AGPS: variants seen among roughly 807,000 people sequenced by gnomAD.
AGPS encodes the protein alkylglycerone phosphate synthase, also known as alkyldihydroxyacetonephosphate synthase, peroxisomal.
AGPS carries 26 observed loss-of-function variants against 90.7 expected under a neutral mutation model. That is an observed-to-expected ratio of 0.29 (90% CI 0.21 to 0.40). The LOEUF is 0.40. Among genes scored for constraint, AGPS ranks in the 10% least tolerant of loss-of-function variants. The pLI is 1.00. For synonymous variants in AGPS, 294 were observed against 285.3 expected (o/e 1.03, Z -0.31); for missense variants, 540 against 816.1 (o/e 0.66, Z 4.12).
At chr2:177,503,658 G>A (rs1185841031) in intron 14 of AGPS, among the ~76,000 whole-genome samples, 1 of 152,154 alleles carries the variant, frequency 6.6e-6, no homozygotes, top group East Asian at 1.9e-4. Context: ...TGATTTTTAA[G>A]CCCTACTATT....
chr2:177,503,676 A>G (rs551678535), intron 14 of AGPS, among the ~76,000 whole-genome samples: 1 of 152,296 alleles, frequency 6.6e-6, no homozygotes, highest in East Asian at 1.9e-4. Context: ...ATTCTTTAAT[A>G]TATTGTATTT....
At chr2:177,507,662 G>A (rs1688753233) in intron 15 of AGPS, among the ~76,000 whole-genome samples, 1 of 152,152 alleles carries the variant, frequency 6.6e-6, no homozygotes, top group Non-Finnish European at 1.5e-5. Flanking sequence ...TTCTCTACAT[G>A]TACACAGACT....
chr2:177,402,828 G>A (rs1685367180), intron 1 of AGPS, among the ~76,000 whole-genome samples: 2 of 152,092 alleles, frequency 1.3e-5, no homozygotes, highest in Admixed American at 6.5e-5. Context: ...AGGCTGAGGC[G>A]GGTGGATTAC....
intron 1 of AGPS, 95 bp from the exon 2 acceptor site, chr2:177,420,174 A>T: frequency 2.5e-6 from 2 of 808,866 alleles, no homozygotes; most frequent in Admixed American, 3.9e-5. Context: ...GGCATAAGGT[A>T]TTTTAGATGA....
At chr2:177,444,622 GTAT>G (rs1686714792) in intron 7 of AGPS, among the ~76,000 whole-genome samples, 17 of 3,466 alleles carry the variant, frequency 4.9e-3, no homozygotes, top group African/African-American at 0.01. Context: ...TGCTATTTTT[GTAT>G]TGTATTTTGT....
At chr2:177,486,839 C>G (rs1545363) in intron 11 of AGPS, among the ~76,000 whole-genome samples, 131,521 of 150,560 alleles carry the variant, frequency 0.87, 57,611 homozygotes, top group East Asian at 0.98. Flanking sequence ...TCCATGTGAG[C>G]AAGTATCCTC....
At chr2:177,461,742 AAGTATCTTTT>A in intron 8 of AGPS, 141 bp from the exon 9 acceptor site, 1 of 705,886 alleles carries the variant, frequency 1.4e-6, no homozygotes, top group Non-Finnish European at 2.2e-6. Context: ...AGTGTGATAA[AAGTATCTTTT>A]TTTTTTTTTT....
At chr2:177,399,231 C>T (rs946208168) in intron 1 of AGPS, among the ~76,000 whole-genome samples, 1 of 152,152 alleles carries the variant, frequency 6.6e-6, no homozygotes, top group African/African-American at 2.4e-5. Flanking sequence ...AAATATTACT[C>T]CGTTTGATTT....
chr2:177,462,246 A>G (rs1030527652), intron 9 of AGPS, among the ~76,000 whole-genome samples: 1 of 151,756 alleles, frequency 6.6e-6, no homozygotes, highest in Non-Finnish European at 1.5e-5. Context: ...AAAAAAAATT[A>G]GTCGGGTGTG....
intron 17 of AGPS, among the ~76,000 whole-genome samples, 183 bp from the exon 18 acceptor site, chr2:177,521,085 AC>A (rs2105732940): frequency 6.6e-6 from 1 of 152,308 alleles, no homozygotes; most frequent in South Asian, 2.1e-4. Context: ...TCCTCAGTTC[AC>A]CTGTTTTGGC....
chr2:177,449,329 G>A (rs1486922838), intron 8 of AGPS, among the ~76,000 whole-genome samples: 1 of 152,194 alleles, frequency 6.6e-6, no homozygotes, highest in Non-Finnish European at 1.5e-5. Flanking sequence ...AAGAGTTCCA[G>A]TTTCTCCATA....
intron 17 of AGPS, among the ~76,000 whole-genome samples, chr2:177,520,446 G>A (rs1156718817): frequency 6.6e-6 from 1 of 152,182 alleles, no homozygotes; most frequent in African/African-American, 2.4e-5. Flanking sequence ...AGCAGTGACG[G>A]AGCCAATGAA....
chr2:177,449,618 T>C (rs1686875418), intron 8 of AGPS, among the ~76,000 whole-genome samples: 2 of 151,906 alleles, frequency 1.3e-5, no homozygotes, highest in South Asian at 2.1e-4. Context: ...AGAGATGGAA[T>C]TTTTTGCCAT....
rs754647491 is a variant in AGPS, at chr2:177,392,938, G to A, written c.149G>A (p.Arg50Gln). Residue 50 changes from arginine (R) to glutamine (Q), a missense_variant, in exon 1 of 20, where the codon CGG becomes CAG. This residue lies in a region of AGPS where 135 missense variants were observed against 124.0 expected (regional missense o/e 1.09). Transcript: ENST00000264167. ...VLSGHLLGRP[R>Q]EALSTNECKA... ...TCTGGCCATCTGCTGGGCCGGCCCC[G>A]GGAGGCTCTGAGTACCAATGAGTGC... 6.1e-5 allele frequency: 95 copies of A among 1,549,984 alleles called. No homozygotes were observed. Among genetic ancestry groups the A allele is most frequent in the Admixed American group, 5.1e-4 (26 of 50,986 alleles).
intron 8 of AGPS, among the ~76,000 whole-genome samples, chr2:177,448,349 A>G (rs987449713): frequency 1.3e-4 from 20 of 152,072 alleles, no homozygotes; most frequent in African/African-American, 4.6e-4. Flanking sequence ...ATTGAGCACT[A>G]TTTGCTTCAT....
At chr2:177,434,028 T>C (rs935829734) in intron 2 of AGPS, among the ~76,000 whole-genome samples, 1 of 152,200 alleles carries the variant, frequency 6.6e-6, no homozygotes, top group African/African-American at 2.4e-5. Context: ...GGGCCTGCCA[T>C]AAGGCTAAAA....
chr2:177,454,078 T>C lies in AGPS; in HGVS notation c.871-7815T>C, dbSNP rs150125593. Reference sequence around the variant, plus strand: ...GGTGTAGTTTTTCTCTGTGTTTCTTTTGTTGAGGATTCGTTAAGCTTTTTT... The same window carrying C: ...GGTGTAGTTTTTCTCTGTGTTTCTTCTGTTGAGGATTCGTTAAGCTTTTTT... On this transcript the variant is annotated intron_variant, in intron 8 of 19. Coordinates refer to ENST00000264167, the MANE Select transcript of AGPS (RefSeq NM_003659.4). Among the ~76,000 whole-genome samples the C allele has an allele frequency of 2.0e-3, 308 of 150,906 alleles. 7 individuals are homozygous for C. The highest frequency in any genetic ancestry group is 0.014 in the Admixed American group (217 of 14,968).
intron 11 of AGPS, among the ~76,000 whole-genome samples, chr2:177,484,667 T>C (rs1395768250): frequency 6.6e-6 from 1 of 151,336 alleles, no homozygotes; most frequent in African/African-American, 2.4e-5. Flanking sequence ...TATTAAAGAA[T>C]TGTAGTTCAT....
chr2:177,438,171 A>G (rs1686474742), intron 5 of AGPS, among the ~76,000 whole-genome samples: 1 of 152,162 alleles, frequency 6.6e-6, no homozygotes, highest in Non-Finnish European at 1.5e-5. Context: ...TTCACTTCCC[A>G]CAAGAAACCT....
Sources: gnomAD v4.1 joint callset for allele counts (sites outside exome capture counted in the v4.1 genomes callset) on GRCh38, gnomAD v4.1.1 for gene constraint, gnomAD v4.1.1 regional missense constraint, MANE v1.5 for transcripts, NCBI Gene and HGNC (gene_info 2026-07-23, HGNC 2026-07-21) for gene names.